RANGAP1: variants seen among roughly 807,000 people sequenced by gnomAD.
The protein encoded by RANGAP1 is Ran GTPase activating protein 1, also known as ran GTPase-activating protein 1.
In RANGAP1, 38 loss-of-function variants were observed where a neutral mutation model predicts 63.5. The ratio of observed to expected loss-of-function variants is 0.60; its 90% confidence interval spans 0.46 to 0.78. RANGAP1 has a LOEUF of 0.78. Ranked by LOEUF, RANGAP1 falls within the 30% of genes least tolerant of loss-of-function variation. The pLI is 0.00. For missense variants in RANGAP1, 630 were observed against 740.3 expected (o/e 0.85, Z 1.73); for synonymous variants, 329 against 310.5 (o/e 1.06, Z -0.63).
At chr22:41,293,777 A>G in the RANGAP1 span, among the ~76,000 whole-genome samples, 66 of 84,534 alleles carry the variant, frequency 7.8e-4, no homozygotes, top group South Asian at 3.1e-3. Flanking sequence ...AAAAAAAAAA[A>G]AAAAGAAAAG....
At chr22:41,301,745 G>A in the RANGAP1 span, 1 of 152,036 alleles carries the variant, frequency 6.6e-6, no homozygotes, top group Non-Finnish European at 1.5e-5. Context: ...GCTCGGCGCA[G>A]GCCCGCGGGG....
At chr22:41,285,625 G>A (rs2035714057) in intron 1 of RANGAP1, 1 of 985,394 alleles carries the variant, frequency 1.0e-6, no homozygotes, top group Non-Finnish European at 1.2e-6. Flanking sequence ...GGAGCGACGC[G>A]CGAATACAGG....
At chr22:41,276,689 A>G in intron 2 of RANGAP1, among the ~76,000 whole-genome samples, 1 of 148,766 alleles carries the variant, frequency 6.7e-6, no homozygotes, top group Non-Finnish European at 1.5e-5. Flanking sequence ...GAAAAAAAAA[A>G]AGACTAGGCT....
intron 3 of RANGAP1, among the ~76,000 whole-genome samples, chr22:41,270,801 G>C (rs953440729): frequency 2.6e-5 from 4 of 152,210 alleles, no homozygotes; most frequent in African/African-American, 9.6e-5. Context: ...CTCTACACCA[G>C]ATCTGCTTAG....
chr22:41,257,800 T>G lies in RANGAP1; in HGVS notation c.774+148A>C. ...GACCTGCAACCCTGTTCAGGACATG[T>G]TCAAAGAGCTGGAGCCATGGGGCAC... is the stretch of plus-strand genomic sequence containing the variant. On this transcript the variant is annotated intron_variant, in intron 7 of 15. Coordinates refer to ENST00000356244, the MANE Select transcript of RANGAP1 (RefSeq NM_002883.4). This position sits in a 1 kb window ranked among gnomAD's most constrained non-coding sequence, Gnocchi z 4.0. 1 of 1,008,924 alleles carries G rather than the reference T, an allele frequency of 9.9e-7. No homozygotes were observed. Among genetic ancestry groups the G allele is most frequent in the Non-Finnish European group, 1.4e-6 (1 of 721,550 alleles). The allele number at this position is 1,008,924 out of a possible 1,614,324, so 62.5% of individuals were successfully genotyped here. A position where few individuals can be genotyped will look rare whatever the true frequency, so the allele number is the denominator to read the frequency against.
the RANGAP1 span, among the ~76,000 whole-genome samples, chr22:41,293,760 C>CAAAAA: frequency 1.1e-3 from 56 of 53,192 alleles, no homozygotes; most frequent in Non-Finnish European, 1.4e-3. Flanking sequence ...GACTCTGTCT[C>CAAAAA]AAAAAAAAAA....
chr22:41,249,634 C>T (rs2033296950), intron 14 of RANGAP1, 95 bp downstream of exon 14: 1 of 1,536,194 alleles, frequency 6.5e-7, no homozygotes, highest in East Asian at 2.3e-5. Context: ...CGGCTCAGGA[C>T]TCGAGGTGAG....
Position 41,246,553 on chromosome 22 carries a change from T to C in RANGAP1, c.*50A>G. 6.8e-7 allele frequency: 1 copy of C among 1,480,704 alleles called. No homozygotes were observed. The highest frequency in any genetic ancestry group is 9.2e-7 in the Non-Finnish European group (1 of 1,082,458). The allele number at this position is 1,480,704 out of a possible 1,614,324, so 91.7% of individuals were successfully genotyped here. The stretch of plus-strand genomic sequence containing the variant: ...TAGGCTGCGCCTCAGTTCATCCGAG[T>C]CCCTCCCCAGCTCACTGGTCCAGGC... On this transcript the variant is annotated 3_prime_UTR_variant, in exon 16 of 16. Transcript: ENST00000356244.
At chr22:41,291,827 G>A in the RANGAP1 span, among the ~76,000 whole-genome samples, 1 of 151,522 alleles carries the variant, frequency 6.6e-6, no homozygotes, top group African/African-American at 2.4e-5. Flanking sequence ...CGTGAACCTG[G>A]GAGGCGGAGC....
chr22:41,273,782 A>AAG (rs1410868475), intron 3 of RANGAP1, among the ~76,000 whole-genome samples: 1 of 142,554 alleles, frequency 7.0e-6, no homozygotes, highest in Non-Finnish European at 1.5e-5. Flanking sequence ...AAAAAAAAAA[A>AAG]AAAAAAAAAA....
At chr22:41,255,292 G>A (rs1463475054) in intron 10 of RANGAP1, among the ~76,000 whole-genome samples, 2 of 152,188 alleles carry the variant, frequency 1.3e-5, no homozygotes, top group Admixed American at 1.3e-4. Context: ...CCTCAGCTCA[G>A]GGCCTAGCAC....
upstream of RANGAP1, among the ~76,000 whole-genome samples, chr22:41,289,609 G>C (rs189938119): frequency 3.4e-4 from 52 of 152,102 alleles, no homozygotes; most frequent in Admixed American, 2.0e-3. Context: ...GGCAACAAGA[G>C]CAAAATTCTG....
intron 3 of RANGAP1, among the ~76,000 whole-genome samples, chr22:41,269,528 A>G (rs1318753779): frequency 2.0e-5 from 3 of 151,932 alleles, no homozygotes; most frequent in African/African-American, 7.3e-5. Context: ...TGAGGTCAGG[A>G]GTTTGAGAGT....
In RANGAP1 at chr22:41,257,965, C is replaced by T. The variant is rs767271834; in HGVS notation, c.757G>A (p.Ala253Thr). Reference sequence around the variant, plus strand: ...CGCCTCACCTCGGCCATGGCCACGGCGCCCTTCTCAGTGAAGGTGTTGTCA... The same window carrying T: ...CGCCTCACCTCGGCCATGGCCACGGTGCCCTTCTCAGTGAAGGTGTTGTCA... ...LNDNTFTEKG[A>T]VAMAETLKTL... Residue 253 changes from alanine to threonine, a missense_variant, in exon 7 of 16, where the codon GCC becomes ACC. By Grantham distance (58) the Ala-to-Thr change is moderately conservative. Around this residue, in one of 3 missense-constraint regions of RANGAP1, gnomAD observed 428 missense variants for 465.5 expected, o/e 0.92. Coordinates refer to ENST00000356244, the MANE Select transcript of RANGAP1 (RefSeq NM_002883.4). This position sits in a 1 kb window ranked among gnomAD's most constrained non-coding sequence, Gnocchi z 4.0. The T allele has an allele frequency of 1.3e-5, 21 of 1,608,838 alleles. No homozygotes were observed. The highest frequency in any genetic ancestry group is 1.7e-5 in the Admixed American group (1 of 59,714).
chr22:41,246,573 C>A lies in RANGAP1; in HGVS notation c.*30G>T, dbSNP rs370550540. 8.6e-6 allele frequency: 13 copies of A among 1,516,718 alleles called. No individual in the cohort carries two copies. The African/African-American group carries it at 1.7e-4, about 19-fold the overall frequency. 94.0% of individuals were successfully genotyped at this position (1,516,718 alleles called of 1,614,324 possible). On this transcript the variant is annotated 3_prime_UTR_variant, in exon 16 of 16. Transcript: ENST00000356244. ...CCGAGTCCCTCCCCAGCTCACTGGTCCAGGCCAAGGGATGGGAGAGGCTTT... is the reference window on the plus strand; with the variant it reads ...CCGAGTCCCTCCCCAGCTCACTGGTACAGGCCAAGGGATGGGAGAGGCTTT...
rs1301632426 is a variant in RANGAP1, at chr22:41,264,677, A to G, written c.467T>C (p.Ile156Thr). The part of the protein sequence containing the change: ...ELKLNNCGMG[I>T]GGGKILAAAL... ...TGCCACACCCACCTTGCCGCCGCCAATGCCCATGCCACAGTTGTTGAGCTT... is the reference window on the plus strand; with the variant it reads ...TGCCACACCCACCTTGCCGCCGCCAGTGCCCATGCCACAGTTGTTGAGCTT... The change falls in exon 5 of 16, where the codon ATT becomes ACT. Residue 156 changes from isoleucine (I) to threonine (T), a missense_variant. Coordinates refer to ENST00000356244, the MANE Select transcript of RANGAP1 (RefSeq NM_002883.4). 7 of 1,611,494 alleles carry G rather than the reference A, an allele frequency of 4.3e-6. No individual in the cohort carries two copies. Among genetic ancestry groups the G allele is most frequent in the African/African-American group, 1.3e-5 (1 of 74,910 alleles).
At chr22:41,297,060 A>C in the RANGAP1 span, among the ~76,000 whole-genome samples, 1 of 152,146 alleles carries the variant, frequency 6.6e-6, no homozygotes, top group Non-Finnish European at 1.5e-5. Flanking sequence ...AAATACAAAC[A>C]TTAGCCGGGT....
chr22:41,286,565 T>C (rs146691766), upstream of RANGAP1, among the ~76,000 whole-genome samples: 373 of 152,386 alleles, frequency 2.4e-3, no homozygotes, highest in Non-Finnish European at 3.5e-3. Context: ...CAGGTACTGC[T>C]GGCTGCTGGG....
chr22:41,253,046 C>CA (rs2033581139), intron 11 of RANGAP1, 55 bp from the exon 12 acceptor site: 1 of 1,366,530 alleles, frequency 7.3e-7, no homozygotes, highest in African/African-American at 1.5e-5. Flanking sequence ...GACTCCCCGA[C>CA]ACAGCTGTGC....
Sources: allele counts gnomAD v4.1 joint callset (sites outside exome capture counted in the v4.1 genomes callset), GRCh38; gene constraint gnomAD v4.1.1; regional missense constraint gnomAD v4.1.1; non-coding constraint Gnocchi (gnomAD v3.1); transcripts MANE v1.5; gene names NCBI Gene and HGNC (gene_info 2026-07-23, HGNC 2026-07-21).